The following RBFOX1 variants were observed in gnomAD, a reference collection of about 807,000 sequenced individuals.
The protein encoded by RBFOX1 is RNA binding protein fox-1 homolog 1.
In RBFOX1, 8 loss-of-function variants were observed where a neutral mutation model predicts 57.7. The ratio of observed to expected loss-of-function variants is 0.14; its 90% CI spans 0.08 to 0.25. The LOEUF (loss-of-function observed/expected upper bound fraction) is 0.25, where lower values mean the gene tolerates loss of function less well. Ranked by LOEUF, RBFOX1 falls within the 10% of genes least tolerant of loss-of-function variation. RBFOX1 has a pLI of 1.00. For missense variants in RBFOX1, 611 were observed against 548.5 expected (o/e 1.11, Z -1.14); for synonymous variants, 326 against 222.4 (o/e 1.47, Z -4.15).
intron 4 of RBFOX1, among the ~76,000 whole-genome samples, chr16:7,296,701 C>T (rs994522014): frequency 2.6e-5 from 4 of 152,168 alleles, no homozygotes; most frequent in Admixed American, 6.5e-5. Flanking sequence ...TGTCCCTGGC[C>T]ATGGATGTGG....
At chr16:6,707,561 T>G (rs2062982509) in intron 3 of RBFOX1, among the ~76,000 whole-genome samples, 1 of 151,156 alleles carries the variant, frequency 6.6e-6, no homozygotes, top group Admixed American at 6.6e-5. Context: ...TAAGATTTCC[T>G]TAGAATCAAC....
chr16:6,957,987 C>G (rs1251725002), intron 3 of RBFOX1, among the ~76,000 whole-genome samples: 1 of 152,098 alleles, frequency 6.6e-6, no homozygotes, highest in Non-Finnish European at 1.5e-5. Context: ...AGGACCAGCT[C>G]CTGCATAGGG....
At chr16:5,725,596 C>G (rs1349672818) in intron 3 of RBFOX1, among the ~76,000 whole-genome samples, 2 of 151,452 alleles carry the variant, frequency 1.3e-5, no homozygotes, top group African/African-American at 2.4e-5. Context: ...CACCAAGGCT[C>G]TCTCTGTAGC....
chr16:5,355,254 C>T (rs2065358075), intron 1 of RBFOX1, among the ~76,000 whole-genome samples: 1 of 152,112 alleles, frequency 6.6e-6, no homozygotes. Context: ...TGGCAGATGG[C>T]ACACTTAGAG....
chr16:6,201,497 A>C (rs1458557121), intron 1 of RBFOX1, among the ~76,000 whole-genome samples: 4 of 152,128 alleles, frequency 2.6e-5, no homozygotes, highest in Non-Finnish European at 2.9e-5. Flanking sequence ...GAGTGGAATG[A>C]TGGTTGCCAG....
chr16:5,300,358 G>A (rs1271641987), intron 1 of RBFOX1, among the ~76,000 whole-genome samples: 2 of 152,108 alleles, frequency 1.3e-5, no homozygotes, highest in Non-Finnish European at 2.9e-5. Flanking sequence ...TTGGGGACTC[G>A]GGAGAAAGGG....
At chr16:5,381,874 C>T (rs111759020) in intron 1 of RBFOX1, among the ~76,000 whole-genome samples, 2,990 of 152,320 alleles carry the variant, frequency 0.02, 101 homozygotes, top group Admixed American at 0.094. Context: ...CTAACTCCAG[C>T]GTGGGATTCT....
chr16:6,782,365 T>C (rs141518179), intron 3 of RBFOX1, among the ~76,000 whole-genome samples: 1,646 of 152,304 alleles, frequency 0.011, 37 homozygotes, highest in African/African-American at 0.038. Context: ...TATGCTGTGT[T>C]TCTACTAAAT....
chr16:6,899,507 G>C (rs1422143287), intron 3 of RBFOX1, among the ~76,000 whole-genome samples: 3 of 152,150 alleles, frequency 2.0e-5, no homozygotes, highest in Non-Finnish European at 4.4e-5. Flanking sequence ...ATACCATCTT[G>C]AGTGGAAAGG....
chr16:6,706,379 TAATA>T (rs1411699909), intron 3 of RBFOX1, among the ~76,000 whole-genome samples: 1 of 152,190 alleles, frequency 6.6e-6, no homozygotes, highest in African/African-American at 2.4e-5. Flanking sequence ...GCAGCCCAAT[TAATA>T]GGTGTCTCTT....
intron 1 of RBFOX1, among the ~76,000 whole-genome samples, chr16:5,370,568 G>T (rs1307666784): frequency 6.6e-6 from 1 of 151,504 alleles, no homozygotes; most frequent in Non-Finnish European, 1.5e-5. Flanking sequence ...TCTCAGCTCA[G>T]CGTAGCCTCT....
intron 2 of RBFOX1, among the ~76,000 whole-genome samples, chr16:6,569,743 C>T (rs537808520): frequency 6.6e-6 from 1 of 152,174 alleles, no homozygotes; most frequent in African/African-American, 2.4e-5. Flanking sequence ...TCCCTTCATT[C>T]TCTAGAGAAA....
chr16:6,056,991 G>C (rs80348996), intron 1 of RBFOX1: 1 of 151,976 alleles, frequency 6.6e-6, no homozygotes, highest in Non-Finnish European at 1.5e-5. Context: ...AAGTGAGTTT[G>C]TGTTCGTGAA....
chr16:6,222,550 G>C (rs2097382159), intron 1 of RBFOX1, among the ~76,000 whole-genome samples: 1 of 151,736 alleles, frequency 6.6e-6, no homozygotes, highest in Non-Finnish European at 1.5e-5. Flanking sequence ...TCTAGATGAG[G>C]ACTTCCCTAA....
intron 2 of RBFOX1, among the ~76,000 whole-genome samples, chr16:6,419,534 C>T (rs1452802077): frequency 6.6e-6 from 1 of 152,150 alleles, no homozygotes; most frequent in Non-Finnish European, 1.5e-5. Context: ...ATTTCCGGAA[C>T]CAGATTCCTA....
intron 4 of RBFOX1, among the ~76,000 whole-genome samples, chr16:7,483,562 A>T (rs1201400902): frequency 6.6e-6 from 1 of 152,216 alleles, no homozygotes; most frequent in Non-Finnish European, 1.5e-5. Context: ...ATCTACAGAC[A>T]TACTGCCTGA....
Position 6,533,646 on chromosome 16 carries a change from A to C in RBFOX1, c.-63-120957A>C, listed in dbSNP as rs2345022. Among the ~76,000 whole-genome samples the C allele has an allele frequency of 2.0e-5, 3 of 152,040 alleles. No individual in the cohort carries two copies. In the South Asian group the frequency reaches 6.2e-4, roughly 32 times the overall value. On this transcript the variant is annotated intron_variant, in intron 2 of 15. Transcript: ENST00000550418. The stretch of plus-strand genomic sequence containing the variant: ...TGAGGAGGAAAAGCAAGTCTTTTCA[A>C]CAAATAATCCTGGACCTACTGGATG...
At chr16:5,428,993 T>G (rs2067648595) in intron 1 of RBFOX1, among the ~76,000 whole-genome samples, 1 of 152,134 alleles carries the variant, frequency 6.6e-6, no homozygotes, top group Non-Finnish European at 1.5e-5. Flanking sequence ...CCCTCCGACC[T>G]GTGGCTTTTT....
chr16:6,176,500 C>T (rs34109824), intron 1 of RBFOX1, among the ~76,000 whole-genome samples: 17,982 of 151,770 alleles, frequency 0.12, 1,981 homozygotes, highest in African/African-American at 0.3. Flanking sequence ...TGCCTCCTTT[C>T]TTCTCATTGT....
Sources: gnomAD v4.1 joint callset for allele counts (sites outside exome capture counted in the v4.1 genomes callset) on GRCh38, gnomAD v4.1.1 for gene constraint, MANE v1.5 for transcripts, NCBI Gene and HGNC (gene_info 2026-07-23, HGNC 2026-07-21) for gene names.